Variants in LAS1L observed in about 807,000 individuals in gnomAD.
LAS1L encodes the protein ribosomal biogenesis protein LAS1L.
LAS1L carries 5 observed loss-of-function variants against 57.3 expected under a neutral mutation model. That is an observed-to-expected ratio of 0.09 (90% confidence interval 0.05 to 0.18). The LOEUF (loss-of-function observed/expected upper bound fraction) is 0.18. Among genes scored for constraint, LAS1L ranks in the 10% least tolerant of loss-of-function variants. LAS1L has a pLI of 1.00. For missense variants in LAS1L, 360 were observed against 568.3 expected (o/e 0.63, Z 3.73); for synonymous variants, 245 against 231.7 (o/e 1.06, Z -0.52).
chrX:65,533,822 C>A, intron 1 of LAS1L, 87 bp from the exon 2 acceptor site: 1 of 996,291 alleles, frequency 1.0e-6, no homozygotes, highest in African/African-American at 1.9e-5. Flanking sequence ...GCAGGCTACA[C>A]CCATCATATT....
chrX:65,524,911 G>C (rs1297276859), intron 8 of LAS1L, 54 bp downstream of exon 8: 1 of 1,065,562 alleles, frequency 9.4e-7, no homozygotes, highest in Non-Finnish European at 1.3e-6. Context: ...CACCCCAGCT[G>C]TTTCCACCCA....
intron 7 of LAS1L, among the ~76,000 whole-genome samples, chrX:65,525,713 C>T (rs950885147): frequency 7.4e-5 from 7 of 94,564 alleles, no homozygotes; most frequent in African/African-American, 3.4e-4. Flanking sequence ...TATTTATATC[C>T]TACTGCTCAA....
At chrX:65,531,583 G>T (rs773458910) in intron 3 of LAS1L, 145 bp from the exon 4 acceptor site, 4 of 438,747 alleles carry the variant, frequency 9.1e-6, no homozygotes, top group Non-Finnish European at 1.2e-5. Flanking sequence ...TCCAATCACA[G>T]TGACAGAGCC....
chrX:65,520,125 G>T (rs148898381), intron 11 of LAS1L, among the ~76,000 whole-genome samples: 1 of 111,540 alleles, frequency 9.0e-6, no homozygotes. Flanking sequence ...AGGTGCGGGG[G>T]TGATGCGAAT....
chrX:65,525,077 A>C (rs1044803634), intron 7 of LAS1L, 27 bp from the exon 8 acceptor site: 1 of 1,135,769 alleles, frequency 8.8e-7, no homozygotes, highest in Non-Finnish European at 1.2e-6. Flanking sequence ...CTAGTTTAGC[A>C]AAGTGATGCT....
intron 12 of LAS1L, among the ~76,000 whole-genome samples, chrX:65,516,647 A>G (rs2068641863): frequency 1.5e-5 from 1 of 68,007 alleles, no homozygotes; most frequent in Non-Finnish European, 2.4e-5. Flanking sequence ...ACACACACAC[A>G]CACACACACA....
At chrX:65,523,806 G>C in intron 10 of LAS1L, 99 bp from the exon 11 acceptor site, 1 of 948,575 alleles carries the variant, frequency 1.1e-6, no homozygotes. Context: ...CATCCCCCCA[G>C]ACTCCCCACC....
chrX:65,522,319 G>C (rs1602603414), intron 11 of LAS1L: 1 of 110,331 alleles, frequency 9.1e-6, no homozygotes, highest in East Asian at 2.9e-4. Flanking sequence ...AGGGGCTTGA[G>C]GTGAGCGGTA....
At chrX:65,524,890 G>A in intron 8 of LAS1L, 75 bp downstream of exon 8, 1 of 867,492 alleles carries the variant, frequency 1.2e-6, no homozygotes, top group East Asian at 3.3e-5. Flanking sequence ...CCAACCCAGG[G>A]CCCCCCAGCC....
chrX:65,519,736 G>T (rs12010961), intron 11 of LAS1L, among the ~76,000 whole-genome samples: 69 of 110,999 alleles, frequency 6.2e-4, no homozygotes, highest in African/African-American at 2.0e-3. Flanking sequence ...GATGCGGATG[G>T]TTCACAGACG....
chrX:65,514,725 G>C (rs1380931320), intron 13 of LAS1L, 98 bp downstream of exon 13: 1 of 868,300 alleles, frequency 1.2e-6, no homozygotes, highest in East Asian at 3.7e-5. Context: ...GCCCTGACTG[G>C]GGACAGCTAC....
chrX:65,512,994 G>C, intron 13 of LAS1L, 93 bp from the exon 14 acceptor site: 2 of 880,422 alleles, frequency 2.3e-6, no homozygotes, highest in Non-Finnish European at 3.1e-6. Context: ...CTGTGGGATG[G>C]GCCCACTCTC....
Position 65,529,886 on chromosome X carries a change from G to C in LAS1L, c.515-8C>G, listed in dbSNP as rs368284275. ...CCAGGACAAAGTAGCAGCCTAGAGG[G>C]GGGAAGGCAGGCAGTGCCACAGGAT... On this transcript the variant is annotated splice_region_variant and splice_polypyrimidine_tract_variant and intron_variant, in intron 4 of 13. Coordinates refer to ENST00000374811, the MANE Select transcript of LAS1L (RefSeq NM_031206.7). 4.1e-6 allele frequency: 5 copies of C among 1,205,747 alleles called. No individual in the cohort carries two copies. The African/African-American group carries it at 7.0e-5, about 17-fold the overall frequency.
intron 12 of LAS1L, 107 bp from the exon 13 acceptor site, chrX:65,515,080 G>T (rs758963327): frequency 1.2e-5 from 9 of 743,546 alleles, no homozygotes; most frequent in Non-Finnish European, 1.7e-5. Context: ...AGCACAGGTG[G>T]GCTCTCTCAG....
At chrX:65,519,144 G>A (rs992516336) in intron 11 of LAS1L, among the ~76,000 whole-genome samples, 1 of 111,991 alleles carries the variant, frequency 8.9e-6, no homozygotes, top group Admixed American at 9.4e-5. Flanking sequence ...ACCAAGGGAG[G>A]GCTTTGTGCA....
chrX:65,519,255 G>A (rs1250264979), intron 11 of LAS1L, among the ~76,000 whole-genome samples: 1 of 111,977 alleles, frequency 8.9e-6, no homozygotes, highest in Non-Finnish European at 1.9e-5. Flanking sequence ...CTGAGGAGCC[G>A]TGGGAGGAAG....
chrX:65,529,947 G>C, intron 4 of LAS1L, 69 bp from the exon 5 acceptor site: 2 of 1,024,019 alleles, frequency 2.0e-6, no homozygotes, highest in Middle Eastern at 3.0e-4. Flanking sequence ...GCCTCATCTT[G>C]TGGGTATTAT....
intron 7 of LAS1L, among the ~76,000 whole-genome samples, chrX:65,527,198 G>A (rs1202103843): frequency 1.6e-4 from 9 of 56,145 alleles, no homozygotes; most frequent in East Asian, 7.3e-4. Flanking sequence ...GGGCAATAGC[G>A]AAACTCTGTC....
intron 7 of LAS1L, among the ~76,000 whole-genome samples, chrX:65,526,204 T>C (rs911004994): frequency 5.4e-5 from 6 of 111,750 alleles, no homozygotes; most frequent in African/African-American, 1.6e-4. Context: ...TACAGAAGCA[T>C]GAGACAAACA....
Sources: gnomAD v4.1 joint callset for allele counts (sites outside exome capture counted in the v4.1 genomes callset) on GRCh38, gnomAD v4.1.1 for gene constraint, MANE v1.5 for transcripts, NCBI Gene and HGNC (gene_info 2026-07-23, HGNC 2026-07-21) for gene names.